DST: variants seen among roughly 807,000 people sequenced by gnomAD.
The protein encoded by DST is dystonin.
DST carries 253 observed loss-of-function variants against 875.2 expected under a neutral mutation model. That is an observed-to-expected ratio of 0.29 (90% confidence interval 0.26 to 0.32). The LOEUF is 0.32. Among genes scored for constraint, DST ranks in the 10% least tolerant of loss-of-function variants. The pLI, the probability that DST is intolerant of heterozygous loss-of-function variation, is 1.00. For synonymous variants in DST, 3,124 were observed against 3,197.1 expected, an observed-to-expected ratio of 0.98 and a Z score of 0.77; for missense variants, 8,287 against 9,111.6, an observed-to-expected ratio of 0.91 and a Z score of 3.68.
intron 9 of DST, among the ~76,000 whole-genome samples, chr6:56,697,211 C>G (rs1036201314): frequency 6.6e-6 from 1 of 152,130 alleles, no homozygotes. Context: ...TTCCTACACC[C>G]TCTATGCCCT....
intron 80 of DST, among the ~76,000 whole-genome samples, chr6:56,499,184 A>C (rs1182434018): frequency 1.3e-5 from 2 of 152,146 alleles, no homozygotes; most frequent in Non-Finnish European, 2.9e-5. Context: ...AATAGTAAAG[A>C]AAAAGAACAT....
Position 56,555,658 on chromosome 6 carries a change from C to A in DST, c.14823G>T (p.Trp4941Cys), listed in dbSNP as rs775185313. 2.5e-6 allele frequency: 4 copies of A among 1,613,954 alleles called. No homozygotes were observed. In the Admixed American group the frequency reaches 6.7e-5, roughly 27 times the overall value. The change falls in exon 60 of 104, where the codon TGG becomes TGT. Residue 4941 changes from tryptophan to cysteine, a missense_variant. Around this residue, in one of 10 missense-constraint regions of DST, gnomAD observed 1,513 missense variants for 1,677.8 expected, o/e 0.90. Coordinates refer to ENST00000680361, the MANE Select transcript of DST (RefSeq NM_001374736.1). ...LTGQLSDRCD[W>C]IDQAIVKSTQ... ...TGCTTTTAACAATGGCTTGGTCAAT[C>A]CAGTCACATCTGTCACTCAATTGCC...
chr6:56,604,903 A>G lies in DST; in HGVS notation c.9725T>C (p.Ile3242Thr), dbSNP rs778135380. 10 of 1,612,566 alleles carry G rather than the reference A, an allele frequency of 6.2e-6. No individual in the cohort carries two copies. In the Admixed American group the frequency reaches 1.7e-4, roughly 27 times the overall value. ...TQKDSPLNDM[I>T]QSNDLCSKES... ...TTTACTACAAAGATCATTGCTTTGG[A>G]TCATGTCATTAAGAGGTGAGTCTTT... Residue 3242 changes from isoleucine (I) to threonine (T), a missense_variant, in exon 40 of 104, where the codon ATC (isoleucine) becomes ACC (threonine). Physicochemically the swap from Ile to Thr is moderately conservative, Grantham distance 89 (BLOSUM62 -1). This residue lies in a region of DST where 3,138 missense variants were observed against 3,116.6 expected (regional missense o/e 1.01). Coordinates refer to ENST00000680361, the MANE Select transcript of DST (RefSeq NM_001374736.1).
intron 4 of DST, among the ~76,000 whole-genome samples, chr6:56,755,449 T>C (rs1414427708): frequency 6.6e-6 from 1 of 152,160 alleles, no homozygotes; most frequent in Non-Finnish European, 1.5e-5. Context: ...TTTCATGTAA[T>C]TACCCCACTT....
chr6:56,512,420 T>C (rs2096494986), intron 72 of DST, among the ~76,000 whole-genome samples: 1 of 152,222 alleles, frequency 6.6e-6, no homozygotes, highest in South Asian at 2.1e-4. Flanking sequence ...AGATCTGCCT[T>C]TGCTTGCAGG....
At chr6:56,475,978 A>G (rs1432985253) in intron 92 of DST, among the ~76,000 whole-genome samples, 171 bp downstream of exon 92, 3 of 152,226 alleles carry the variant, frequency 2.0e-5, no homozygotes, top group Admixed American at 2.0e-4. Flanking sequence ...GGGTTCCTGT[A>G]AAGAGAGGTT....
At chr6:56,610,869 C>G (rs2098538779) in intron 38 of DST, among the ~76,000 whole-genome samples, 1 of 152,082 alleles carries the variant, frequency 6.6e-6, no homozygotes, top group Non-Finnish European at 1.5e-5. Context: ...CATTGTTAAT[C>G]CCAACATGGA....
chr6:56,917,018 G>A (rs73746955), intron 2 of DST, among the ~76,000 whole-genome samples: 2,747 of 50,478 alleles, frequency 0.054, 61 homozygotes, highest in African/African-American at 0.12. Flanking sequence ...AAAAAAAAAA[G>A]ACAGGCAGAG....
intron 3 of DST, chr6:56,851,967 C>T (rs943881175): frequency 2.7e-6 from 4 of 1,468,458 alleles, no homozygotes; most frequent in Non-Finnish European, 3.6e-6. Context: ...ATTTGGCTCC[C>T]CCACCAGGAC....
chr6:56,634,196 C>T lies in DST; in HGVS notation c.3557G>A (p.Ser1186Asn), dbSNP rs139350480. 9.8e-4 allele frequency: 1,589 copies of T among 1,613,668 alleles called. 13 individuals carry two copies. In the African/African-American group the frequency reaches 0.018, roughly 19 times the overall value. The change falls in exon 27 of 104, where the codon AGT becomes AAT. Residue 1186 changes from serine (S) to asparagine (N), a missense_variant. By Grantham distance (46) the Ser-to-Asn change is conservative. Coordinates refer to ENST00000680361, the MANE Select transcript of DST (RefSeq NM_001374736.1). ...LWHESHINMK[S>N]VVSWHYLINE... ...GATGAGATAATGCCAGGATACTACA[C>T]TCTTCATGTTTATGTGAGACTCATG...
intron 9 of DST, among the ~76,000 whole-genome samples, chr6:56,682,402 C>G (rs1464626980): frequency 6.6e-6 from 1 of 152,058 alleles, no homozygotes; most frequent in Non-Finnish European, 1.5e-5. Context: ...GAAAACTAAG[C>G]TCAGCCTAAA....
chr6:56,498,147 C>T, intron 80 of DST, 94 bp from the exon 81 acceptor site: 2 of 1,256,908 alleles, frequency 1.6e-6, no homozygotes, highest in Non-Finnish European at 2.2e-6. Context: ...ATGAAACATC[C>T]TCAAACAAAA....
intron 4 of DST, among the ~76,000 whole-genome samples, chr6:56,807,008 T>C (rs1229916364): frequency 1.3e-5 from 2 of 152,140 alleles, no homozygotes; most frequent in African/African-American, 2.4e-5. Flanking sequence ...ATATACTACG[T>C]TCATAGATCA....
rs779583028 is a variant in DST at position 56,517,540 on chromosome 6, A to T, written c.18210T>A (p.Leu6070=). The T allele has an allele frequency of 6.2e-7, 1 of 1,613,286 alleles. No individual in the cohort carries two copies. The highest frequency in any genetic ancestry group is 8.5e-7 in the Non-Finnish European group (1 of 1,179,580). Residue 6070 remains leucine (L), a synonymous_variant, in exon 70 of 104, where the codon CTT becomes CTA. Transcript: ENST00000680361. ...GCTGAGCAGAAGTCTGGTCTTGCTCAAGCCTGATGTCACCCAGAGACATCA... is the reference window on the plus strand; with the variant it reads ...GCTGAGCAGAAGTCTGGTCTTGCTCTAGCCTGATGTCACCCAGAGACATCA... The part of the protein sequence containing the change: ...KKLMSLGDIR[L]EQDQTSAQLQ...
At chr6:56,676,334 C>T (rs1006766970) in intron 9 of DST, among the ~76,000 whole-genome samples, 12 of 152,196 alleles carry the variant, frequency 7.9e-5, no homozygotes, top group Non-Finnish European at 1.8e-4. Flanking sequence ...GCCCAAAGTG[C>T]TGGGATTACA....
chr6:56,542,060 T>A (rs947168217), intron 61 of DST, among the ~76,000 whole-genome samples: 1 of 152,208 alleles, frequency 6.6e-6, no homozygotes, highest in Non-Finnish European at 1.5e-5. Flanking sequence ...GTAATCCACT[T>A]AAAGATGGCT....
chr6:56,600,130 T>G lies in DST; in HGVS notation c.11633A>C (p.Gln3878Pro). The G allele has an allele frequency of 6.2e-7, 1 of 1,613,166 alleles. No homozygotes were observed. Among genetic ancestry groups the G allele is most frequent in the Non-Finnish European group, 8.5e-7 (1 of 1,179,276 alleles). The change falls in exon 45 of 104, where the codon CAA becomes CCA. Residue 3878 changes from glutamine to proline, a missense_variant. Physicochemically the swap from Gln to Pro is moderately conservative, Grantham distance 76 (BLOSUM62 -1). Around this residue, in one of 10 missense-constraint regions of DST, gnomAD observed 3,138 missense variants for 3,116.6 expected, o/e 1.01. Transcript: ENST00000680361. ...TQTENRLIGH[Q>P]EAFMIGDGTV... ...GCCATCTCCAATCATGAAGGCTTCTTGGTGACCAATTAGGCGGTTTTCAGT... is the reference window on the plus strand; with the variant it reads ...GCCATCTCCAATCATGAAGGCTTCTGGGTGACCAATTAGGCGGTTTTCAGT...
chr6:56,686,398 C>A (rs944666891), intron 9 of DST, among the ~76,000 whole-genome samples: 29 of 152,304 alleles, frequency 1.9e-4, no homozygotes, highest in African/African-American at 7.0e-4. Context: ...ATGCAATATA[C>A]CCATGTAGCA....
At chr6:56,460,299 A>C (rs1177836663) in intron 102 of DST, 45 bp from the exon 103 acceptor site, 1 of 1,608,082 alleles carries the variant, frequency 6.2e-7, no homozygotes, top group Admixed American at 1.7e-5. Context: ...TTGCTCCTGT[A>C]CCATGATATT....
Sources: gnomAD v4.1 joint callset for allele counts (sites outside exome capture counted in the v4.1 genomes callset) on GRCh38, gnomAD v4.1.1 for gene constraint, gnomAD v4.1.1 regional missense constraint, MANE v1.5 for transcripts, NCBI Gene and HGNC (gene_info 2026-07-23, HGNC 2026-07-21) for gene names.